Variants in UBR1 observed in about 807,000 individuals in gnomAD.
UBR1 encodes the protein E3 ubiquitin-protein ligase UBR1.
UBR1 carries 102 observed loss-of-function variants against 242.1 expected under a neutral mutation model. The observed-to-expected ratio is 0.42, with a 90% CI of 0.36 to 0.50. UBR1 has a LOEUF of 0.50. Ranked by LOEUF, UBR1 falls within the 20% of genes least tolerant of loss-of-function variation. The pLI is 0.01. For missense variants in UBR1, 1,772 were observed against 2,101.8 expected (o/e 0.84, Z 3.07); for synonymous variants, 675 against 684.8 (o/e 0.99, Z 0.22).
At chr15:43,100,403 G>A (rs1431419402) in intron 1 of UBR1, among the ~76,000 whole-genome samples, 3 of 151,980 alleles carry the variant, frequency 2.0e-5, no homozygotes, top group Non-Finnish European at 4.4e-5. Context: ...CTAACATGCC[G>A]GCTCATTCCC....
intron 11 of UBR1, among the ~76,000 whole-genome samples, chr15:43,055,532 A>AG (rs1352443740): frequency 6.6e-6 from 1 of 152,122 alleles, no homozygotes; most frequent in African/African-American, 2.4e-5. Flanking sequence ...TCTCCTCCTT[A>AG]CCCCAATCTA....
intron 29 of UBR1, among the ~76,000 whole-genome samples, chr15:43,014,820 G>A (rs184508657): frequency 0.043 from 3,859 of 89,550 alleles, no homozygotes; most frequent in Middle Eastern, 0.17. Flanking sequence ...CAGCCGCCCC[G>A]TCCGGGAGGG....
At chr15:43,040,314 A>T (rs1228457083) in intron 15 of UBR1, among the ~76,000 whole-genome samples, 1 of 152,208 alleles carries the variant, frequency 6.6e-6, no homozygotes, top group African/African-American at 2.4e-5. Flanking sequence ...CAACCATCTG[A>T]TCTTTGACAA....
At chr15:42,988,580 CT>C (rs2032510173) in intron 35 of UBR1, 1 of 513,210 alleles carries the variant, frequency 1.9e-6, no homozygotes, top group South Asian at 2.2e-5. Context: ...CCGTGCCCAG[CT>C]TTTTAAAAAT....
intron 27 of UBR1, among the ~76,000 whole-genome samples, chr15:43,017,428 C>G (rs1256387514): frequency 6.6e-6 from 1 of 152,178 alleles, no homozygotes; most frequent in Non-Finnish European, 1.5e-5. Context: ...GGGCATGCCT[C>G]TGTTAGCTTT....
chr15:43,015,391 A>G (rs932971210), intron 29 of UBR1, among the ~76,000 whole-genome samples: 14 of 152,050 alleles, frequency 9.2e-5, no homozygotes, highest in Non-Finnish European at 1.2e-4. Flanking sequence ...CTCAGGGTTA[A>G]ATGGATTAAG....
chr15:42,996,118 T>C (rs1348951895), intron 33 of UBR1, among the ~76,000 whole-genome samples: 1 of 152,150 alleles, frequency 6.6e-6, no homozygotes, highest in Non-Finnish European at 1.5e-5. Flanking sequence ...TCGAATCTCA[T>C]TTTTTCCATG....
In UBR1 at chr15:43,047,560, C is replaced by T. The variant is rs568529154; in HGVS notation, c.1540-271G>A. Among the ~76,000 whole-genome samples the T allele has an allele frequency of 1.2e-3, 189 of 152,174 alleles. 1 individual carries two copies. The highest frequency in any genetic ancestry group is 6.8e-3 in the Middle Eastern group (2 of 294). ...CTAAATGGATCCTTTGAGATTTTTT[C>T]CTAAATGCAGTTCTTGTCAATTGAT... On this transcript the variant is annotated intron_variant, in intron 13 of 46. Transcript: ENST00000290650.
chr15:42,995,693 A>C (rs915622366), intron 33 of UBR1, among the ~76,000 whole-genome samples: 1 of 152,132 alleles, frequency 6.6e-6, no homozygotes, highest in Non-Finnish European at 1.5e-5. Context: ...ACAAAAAAAA[A>C]CAAGTAGCAA....
intron 3 of UBR1, 38 bp downstream of exon 3, chr15:43,082,600 T>C (rs985177959): frequency 1.3e-6 from 2 of 1,564,278 alleles, no homozygotes; most frequent in South Asian, 1.1e-5. Context: ...GGCCATCAGA[T>C]TCCTGCTTAT....
chr15:43,057,646 G>C (rs920641289), intron 10 of UBR1, among the ~76,000 whole-genome samples: 4 of 152,072 alleles, frequency 2.6e-5, no homozygotes, highest in African/African-American at 9.7e-5. Flanking sequence ...TAGAACTCTT[G>C]GCCACCTAAT....
chr15:42,993,365 C>CT (rs779584895), intron 33 of UBR1, among the ~76,000 whole-genome samples: 2,867 of 140,690 alleles, frequency 0.02, 46 homozygotes, highest in Non-Finnish European at 0.028. Flanking sequence ...TATGAAATGT[C>CT]TTTTTTTTTT....
intron 1 of UBR1, among the ~76,000 whole-genome samples, chr15:43,087,118 G>C (rs1375081812): frequency 6.6e-6 from 1 of 152,128 alleles, no homozygotes; most frequent in Non-Finnish European, 1.5e-5. Flanking sequence ...CAAGCTAATA[G>C]AATCGGGCCG....
In UBR1 at chr15:43,106,018, G is replaced by A. The variant is rs1451987639; in HGVS notation, c.5C>T (p.Ala2Val). The A allele has an allele frequency of 1.2e-6, 2 of 1,610,984 alleles. No individual in the cohort carries two copies. The highest frequency in any genetic ancestry group is 1.7e-6 in the Non-Finnish European group (2 of 1,178,656). The change falls in exon 1 of 47, where the codon GCG becomes GTG. Residue 2 changes from alanine to valine, a missense_variant. Around this residue, in one of 3 missense-constraint regions of UBR1, gnomAD observed 734 missense variants for 893.3 expected, o/e 0.82. Transcript: ENST00000290650. M[A>V]DEEAGGTERM... ...CTCAGTACCTCCAGCCTCCTCGTCC[G>A]CCATCTTGAGGGAAACTGACGCCTG...
chr15:43,054,160 G>T (rs1398385527), intron 12 of UBR1, among the ~76,000 whole-genome samples: 1 of 151,446 alleles, frequency 6.6e-6, no homozygotes, highest in Non-Finnish European at 1.5e-5. Flanking sequence ...GTCAGCCTGG[G>T]CAACAAAAAG....
intron 37 of UBR1, among the ~76,000 whole-genome samples, chr15:42,978,361 G>A (rs1391402146): frequency 1.3e-5 from 2 of 152,186 alleles, no homozygotes; most frequent in African/African-American, 4.8e-5. Context: ...GGAAGAACAT[G>A]CAAAACAGAG....
chr15:43,086,437 G>GA lies in UBR1; in HGVS notation c.82-198dup, dbSNP rs370942763. ...AACTGCTCACATACCACCAGTATCT[G>GA]AAAAAAAAAAAAAAAAAAAGAAGAG... On this transcript the variant is annotated intron_variant, in intron 1 of 46. Coordinates refer to ENST00000290650, the MANE Select transcript of UBR1 (RefSeq NM_174916.3). Among the ~76,000 whole-genome samples the GA allele has an allele frequency of 0.083, 7,168 of 85,904 alleles. 573 individuals carry two copies. Among genetic ancestry groups the GA allele is most frequent in the African/African-American group, 0.23 (5,726 of 24,830 alleles). The allele number at this position is 85,904 out of a possible 152,430, so 56.4% of individuals were successfully genotyped here. A position where few individuals can be genotyped will look rare whatever the true frequency, so the allele number is the denominator to read the frequency against.
intron 28 of UBR1, 99 bp from the exon 29 acceptor site, chr15:43,015,968 C>A: frequency 9.7e-7 from 1 of 1,034,434 alleles, no homozygotes; most frequent in Non-Finnish European, 1.5e-6. Flanking sequence ...ATTCTGAAAC[C>A]CTGATTACCC....
intron 32 of UBR1, among the ~76,000 whole-genome samples, chr15:42,998,673 C>A (rs1238407141): frequency 3.3e-5 from 5 of 152,150 alleles, no homozygotes; most frequent in African/African-American, 1.2e-4. Context: ...ATTACTACCC[C>A]CTAATCCAAG....
Sources: gnomAD v4.1 joint callset for allele counts (sites outside exome capture counted in the v4.1 genomes callset) on GRCh38, gnomAD v4.1.1 for gene constraint, gnomAD v4.1.1 regional missense constraint, MANE v1.5 for transcripts, NCBI Gene and HGNC (gene_info 2026-07-23, HGNC 2026-07-21) for gene names.